NFE2L2: variants seen among roughly 807,000 people sequenced by gnomAD.
NFE2L2 encodes nuclear factor erythroid 2-related factor 2.
NFE2L2 carries 20 observed loss-of-function variants against 49.6 expected under a neutral mutation model. The ratio of observed to expected loss-of-function variants is 0.40; its 90% CI spans 0.28 to 0.59. NFE2L2 has a LOEUF of 0.59. Among genes scored for constraint, NFE2L2 ranks in the 20% least tolerant of loss-of-function variants. The pLI, the probability that NFE2L2 is intolerant of heterozygous loss-of-function variation, is 0.40. For missense variants in NFE2L2, 578 were observed against 714.2 expected (o/e 0.81, Z 2.17); for synonymous variants, 244 against 256.5 (o/e 0.95, Z 0.47).
rs112882959 is a variant in NFE2L2 at position 177,264,419 on chromosome 2, T to C, written c.45+113A>G. The C allele has an allele frequency of 2.2e-3, 2,520 of 1,159,780 alleles. 4 individuals are homozygous for C. Among genetic ancestry groups the C allele is most frequent in the Non-Finnish European group, 2.8e-3 (2,388 of 850,836 alleles). 71.8% of individuals were successfully genotyped at this position (1,159,780 alleles called of 1,614,324 possible). ...CTCTACCCAGCGCCGCGGTCCTGGC[T>C]CTGGCCAGACGTGGGGGAAGCCGGT... On this transcript the variant is annotated intron_variant, in intron 1 of 4. Coordinates refer to ENST00000397062, the MANE Select transcript of NFE2L2 (RefSeq NM_006164.5).
chr2:177,232,960 C>G (rs1238678405), intron 3 of NFE2L2: 7 of 490,462 alleles, frequency 1.4e-5, no homozygotes, highest in South Asian at 7.1e-5. Flanking sequence ...TAGATACTTG[C>G]AGCAAATGGG....
In NFE2L2 at chr2:177,233,989, A is replaced by T. The variant is rs779144618; in HGVS notation, c.312+16T>A. On this transcript the variant is annotated intron_variant, in intron 2 of 4. Transcript: ENST00000397062. ...TAAACCTGCCATAACTTTCCCAAGA[A>T]CTGAGTACTCTGTACCTGGGAGTAG... is the stretch of plus-strand genomic sequence containing the variant. The T allele has an allele frequency of 6.2e-7, 1 of 1,613,982 alleles. No individual in the cohort carries two copies. Among genetic ancestry groups the T allele is most frequent in the Non-Finnish European group, 8.5e-7 (1 of 1,179,986 alleles).
intron 1 of NFE2L2, among the ~76,000 whole-genome samples, chr2:177,240,336 T>C (rs1466606739): frequency 6.6e-6 from 1 of 152,152 alleles, no homozygotes; most frequent in African/African-American, 2.4e-5. Context: ...GGAAAGCAGG[T>C]AGATGGGTTG....
In NFE2L2 at chr2:177,231,435, G is replaced by C; in HGVS notation, c.1168C>G (p.Gln390Glu). 2 of 1,614,130 alleles carry C rather than the reference G, an allele frequency of 1.2e-6. No individual in the cohort carries two copies. The highest frequency in any genetic ancestry group is 2.2e-5 in the South Asian group (2 of 91,094). ...ELDSAPGSVK[Q>E]NGPKTPVHSS... ...TGTACTGGTGTTTTAGGACCATTCT[G>C]TTTGACACTTCCAGGGGCACTATCT... is the stretch of plus-strand genomic sequence containing the variant. The change falls in exon 5 of 5, where the codon CAG becomes GAG. Residue 390 changes from glutamine to glutamate, a missense_variant. By Grantham distance (29) the Gln-to-Glu change is conservative (BLOSUM62 2). Around this residue, in one of 3 missense-constraint regions of NFE2L2, gnomAD observed 368 missense variants for 384.6 expected, o/e 0.96. Coordinates refer to ENST00000397062, the MANE Select transcript of NFE2L2 (RefSeq NM_006164.5).
chr2:177,239,391 A>G (rs942475815), intron 1 of NFE2L2, among the ~76,000 whole-genome samples: 4 of 152,150 alleles, frequency 2.6e-5, no homozygotes, highest in Admixed American at 6.5e-5. Flanking sequence ...GTTTATATTT[A>G]TGTGGCCAGG....
rs374815607 is a variant in NFE2L2, at chr2:177,258,498, T to C, written c.45+6034A>G. Among the ~76,000 whole-genome samples the C allele has an allele frequency of 2.1e-4, 32 of 152,288 alleles. 1 individual carries two copies. Among genetic ancestry groups the C allele is most frequent in the African/African-American group, 7.7e-4 (32 of 41,572 alleles). On this transcript the variant is annotated intron_variant, in intron 1 of 4. Coordinates refer to ENST00000397062, the MANE Select transcript of NFE2L2 (RefSeq NM_006164.5). Reference sequence around the variant, plus strand: ...GGATATGGGGTTTCTTTTGAGGGTGTTGAAAATTGATTACAGTGATGGTTG... The same window carrying C: ...GGATATGGGGTTTCTTTTGAGGGTGCTGAAAATTGATTACAGTGATGGTTG...
Position 177,240,874 on chromosome 2 carries a change from C to T in NFE2L2, c.46-6603G>A, listed in dbSNP as rs368148085. Among the ~76,000 whole-genome samples, 13 of 152,294 alleles carry T rather than the reference C, an allele frequency of 8.5e-5. No individual in the cohort carries two copies. In the East Asian group the frequency reaches 1.4e-3, roughly 16 times the overall value. On this transcript the variant is annotated intron_variant, in intron 1 of 4. Transcript: ENST00000397062. ...TGGAAAAGATAAAGCAAAGATAATA[C>T]AATCCCTGTCCTAAATTAAAGCTAT...
At chr2:177,252,017 A>AAG (rs1553490692) in intron 1 of NFE2L2, among the ~76,000 whole-genome samples, 4 of 149,528 alleles carry the variant, frequency 2.7e-5, no homozygotes, top group East Asian at 2.0e-4. Context: ...AAAAAAAAAA[A>AAG]GGGATTTTTT....
At chr2:177,256,119 C>G (rs1454920520) in intron 1 of NFE2L2, 2 of 154,694 alleles carry the variant, frequency 1.3e-5, no homozygotes, top group Non-Finnish European at 1.5e-5. Flanking sequence ...GGCCCCAGTA[C>G]TGCAAAACAA....
intron 1 of NFE2L2, among the ~76,000 whole-genome samples, chr2:177,240,680 C>G (rs1021071854): frequency 6.6e-6 from 1 of 152,168 alleles, no homozygotes. Context: ...TTAGGGAAAT[C>G]TGAAGTTGGA....
intron 1 of NFE2L2, among the ~76,000 whole-genome samples, chr2:177,258,481 G>T (rs1412701894): frequency 6.6e-6 from 1 of 152,112 alleles, no homozygotes; most frequent in Non-Finnish European, 1.5e-5. Flanking sequence ...ATGGATATGG[G>T]GTTTCTTTTG....
At position 177,264,653 on chromosome 2, in the gene NFE2L2, C is replaced by T. The variant is rs1001500528; in HGVS notation, c.-77G>A. ...CTGCCGAGGCGCGGCGCGGACAGGG[C>T]GGCTCTGGTGGCGGCGGCGGCGGCG... is the stretch of plus-strand genomic sequence containing the variant. On this transcript the variant is annotated 5_prime_UTR_variant, in exon 1 of 5. Coordinates refer to ENST00000397062, the MANE Select transcript of NFE2L2 (RefSeq NM_006164.5). The T allele has an allele frequency of 8.4e-6, 11 of 1,312,876 alleles. No individual in the cohort carries two copies. Among genetic ancestry groups the T allele is most frequent in the Admixed American group, 4.1e-5 (1 of 24,582 alleles). The allele number at this position is 1,312,876 out of a possible 1,614,324, so 81.3% of individuals were successfully genotyped here. A position where few individuals can be genotyped will look rare whatever the true frequency, so the allele number is the denominator to read the frequency against.
chr2:177,237,602 T>C (rs564016804), intron 1 of NFE2L2, among the ~76,000 whole-genome samples: 1 of 152,294 alleles, frequency 6.6e-6, no homozygotes, highest in South Asian at 2.1e-4. Context: ...CACTGCAACT[T>C]CCGCCTCCAG....
intron 1 of NFE2L2, among the ~76,000 whole-genome samples, chr2:177,244,808 C>T (rs1163184005): frequency 6.6e-6 from 1 of 151,934 alleles, no homozygotes; most frequent in Non-Finnish European, 1.5e-5. Flanking sequence ...AGATGGAGAC[C>T]ATCCTGGCTA....
chr2:177,264,366 C>A, intron 1 of NFE2L2, 166 bp downstream of exon 1: 1 of 625,036 alleles, frequency 1.6e-6, no homozygotes, highest in South Asian at 2.6e-5. Flanking sequence ...CTGCCCCTCC[C>A]CGCCCTGCCC....
chr2:177,246,772 T>A (rs983270781), intron 1 of NFE2L2, among the ~76,000 whole-genome samples: 1 of 99,748 alleles, frequency 1.0e-5, no homozygotes, highest in Non-Finnish European at 1.9e-5. Flanking sequence ...GCTAATATTT[T>A]ACTTTTTTTT....
chr2:177,242,051 G>C (rs1389785132), intron 1 of NFE2L2, among the ~76,000 whole-genome samples: 1 of 152,106 alleles, frequency 6.6e-6, no homozygotes, highest in Admixed American at 6.6e-5. Flanking sequence ...CAAGAATATA[G>C]CAATACCAAT....
Position 177,257,907 on chromosome 2 carries a change from A to G in NFE2L2, c.45+6625T>C, listed in dbSNP as rs116388253. 2.3e-3 allele frequency among the ~76,000 whole-genome samples: 351 copies of G among 152,312 alleles called. 3 individuals carry two copies. The highest frequency in any genetic ancestry group is 8.1e-3 in the African/African-American group (338 of 41,564). ...CTGAAACCATCCTCTACCTCCTTCT[A>G]TGGAAAAACTGTCTTCCACAAAACT... On this transcript the variant is annotated intron_variant, in intron 1 of 4. Coordinates refer to ENST00000397062, the MANE Select transcript of NFE2L2 (RefSeq NM_006164.5).
intron 1 of NFE2L2, among the ~76,000 whole-genome samples, chr2:177,255,107 C>T (rs944542053): frequency 6.6e-6 from 1 of 152,180 alleles, no homozygotes; most frequent in South Asian, 2.1e-4. Flanking sequence ...CGCATACTCC[C>T]GGGGACCCAG....
Sources: allele counts gnomAD v4.1 joint callset (sites outside exome capture counted in the v4.1 genomes callset), GRCh38; gene constraint gnomAD v4.1.1; regional missense constraint gnomAD v4.1.1; transcripts MANE v1.5; gene names NCBI Gene and HGNC (gene_info 2026-07-23, HGNC 2026-07-21).